Variants in AR observed in about 807,000 individuals in gnomAD.
AR encodes the protein androgen receptor.
In AR, 8 loss-of-function variants were observed where a neutral mutation model predicts 53.9. That is an observed-to-expected ratio of 0.15 (90% CI 0.09 to 0.27). AR has a LOEUF of 0.27. Among genes scored for constraint, AR ranks in the 10% least tolerant of loss-of-function variants. The pLI is 1.00. For missense variants in AR, 639 were observed against 742.5 expected (o/e 0.86, Z 1.62); for synonymous variants, 359 against 316.4 (o/e 1.13, Z -1.43).
At chrX:67,697,224 G>GC (rs2076024549) in intron 3 of AR, among the ~76,000 whole-genome samples, 2 of 111,552 alleles carry the variant, frequency 1.8e-5, no homozygotes, top group African/African-American at 6.5e-5. Flanking sequence ...TTGGGGATCT[G>GC]CCAAGTCTCT....
At chrX:67,584,215 ACT>A (rs1209411985) in intron 1 of AR, among the ~76,000 whole-genome samples, 1 of 111,352 alleles carries the variant, frequency 9.0e-6, no homozygotes, top group Middle Eastern at 4.2e-3. Flanking sequence ...TCCATCACTC[ACT>A]CTCCACATTC....
chrX:67,662,487 T>A (rs1926983819), intron 2 of AR, among the ~76,000 whole-genome samples: 1 of 111,840 alleles, frequency 8.9e-6, no homozygotes, highest in Non-Finnish European at 1.9e-5. Flanking sequence ...TCAGTTTCCA[T>A]GTAGTTGAGC....
intron 1 of AR, among the ~76,000 whole-genome samples, chrX:67,627,266 A>G (rs1325004214): frequency 9.0e-6 from 1 of 110,967 alleles, no homozygotes; most frequent in East Asian, 2.8e-4. Context: ...AAGTGTTCCT[A>G]TTTCTCCACA....
chrX:67,612,699 A>T (rs1398559146), intron 1 of AR, among the ~76,000 whole-genome samples: 1 of 112,277 alleles, frequency 8.9e-6, no homozygotes, highest in African/African-American at 3.2e-5. Context: ...TGATCAATCA[A>T]CCATTTAAAA....
chrX:67,631,824 A>G (rs781687438), intron 1 of AR, among the ~76,000 whole-genome samples: 1 of 111,599 alleles, frequency 9.0e-6, no homozygotes, highest in South Asian at 3.7e-4. Context: ...TTTGGTGTGG[A>G]TGTCCTTTCT....
chrX:67,564,886 A>G (rs1921487723), intron 1 of AR, among the ~76,000 whole-genome samples: 1 of 111,725 alleles, frequency 9.0e-6, no homozygotes, highest in Admixed American at 9.5e-5. Flanking sequence ...CTTAGAGCCA[A>G]TTTTCCCCCT....
intron 1 of AR, among the ~76,000 whole-genome samples, chrX:67,618,024 C>G (rs1924200246): frequency 8.9e-6 from 1 of 112,288 alleles, no homozygotes; most frequent in African/African-American, 3.2e-5. Context: ...GACAGTTCCA[C>G]CAGCTCTTTA....
intron 3 of AR, among the ~76,000 whole-genome samples, chrX:67,696,585 C>A (rs574912401): frequency 1.2e-4 from 14 of 112,059 alleles, no homozygotes; most frequent in South Asian, 7.5e-4. Flanking sequence ...ATTTGATATT[C>A]TTTTGCCTGG....
At chrX:67,576,800 T>C (rs963368913) in intron 1 of AR, among the ~76,000 whole-genome samples, 7 of 111,048 alleles carry the variant, frequency 6.3e-5, no homozygotes, top group East Asian at 2.8e-4. Flanking sequence ...ACCTTTTATG[T>C]GGTTATCTCC....
intron 4 of AR, among the ~76,000 whole-genome samples, chrX:67,715,191 G>T (rs1412786981): frequency 9.0e-6 from 1 of 110,646 alleles, no homozygotes; most frequent in Non-Finnish European, 1.9e-5. Context: ...AGATATTCAG[G>T]GTCAACCTCC....
intron 2 of AR, among the ~76,000 whole-genome samples, chrX:67,676,745 AG>A (rs2075902369): frequency 9.0e-6 from 1 of 111,545 alleles, no homozygotes. Flanking sequence ...TGAGGAAGAG[AG>A]GTGATATTAT....
chrX:67,613,381 G>C (rs767171886), intron 1 of AR, among the ~76,000 whole-genome samples: 1 of 111,640 alleles, frequency 9.0e-6, no homozygotes, highest in Non-Finnish European at 1.9e-5. Flanking sequence ...AACAGAGCAT[G>C]AAGAAGTTCA....
intron 1 of AR, among the ~76,000 whole-genome samples, chrX:67,639,119 A>G (rs1925610923): frequency 9.0e-6 from 1 of 111,350 alleles, no homozygotes; most frequent in Non-Finnish European, 1.9e-5. Flanking sequence ...CAAAGATTAG[A>G]TGGTTGTAGA....
chrX:67,589,286 A>T (rs1922718177), intron 1 of AR, among the ~76,000 whole-genome samples: 1 of 111,533 alleles, frequency 9.0e-6, no homozygotes, highest in Non-Finnish European at 1.9e-5. Context: ...AAAAAAAAAA[A>T]AGAAGTCCAC....
At chrX:67,561,821 C>G (rs1479484281) in intron 1 of AR, among the ~76,000 whole-genome samples, 1 of 109,112 alleles carries the variant, frequency 9.2e-6, no homozygotes, top group East Asian at 2.9e-4. Context: ...ACTATTGTTT[C>G]AACGTACCTG....
At chrX:67,636,663 GA>G (rs1476664554) in intron 1 of AR, among the ~76,000 whole-genome samples, 1 of 111,963 alleles carries the variant, frequency 8.9e-6, no homozygotes. Flanking sequence ...ATAAGCCTGA[GA>G]GAGGGACTGC....
chrX:67,639,699 C>T (rs1279298667), intron 1 of AR, among the ~76,000 whole-genome samples: 2 of 111,965 alleles, frequency 1.8e-5, no homozygotes, highest in South Asian at 7.4e-4. Flanking sequence ...AGTTGCTTGT[C>T]AGCTTAAGGT....
At chrX:67,625,537 G>T (rs1323937243) in intron 1 of AR, among the ~76,000 whole-genome samples, 2 of 111,526 alleles carry the variant, frequency 1.8e-5, no homozygotes, top group South Asian at 7.5e-4. Flanking sequence ...AGAGTGTATG[G>T]TATTGGCATA....
chrX:67,559,802 T>C (rs772436711), intron 1 of AR, among the ~76,000 whole-genome samples: 1 of 111,722 alleles, frequency 9.0e-6, no homozygotes, highest in African/African-American at 3.2e-5. Context: ...TGGAAACACT[T>C]GATGTTTGGT....
Sources: allele counts gnomAD v4.1 joint callset (sites outside exome capture counted in the v4.1 genomes callset), GRCh38; gene constraint gnomAD v4.1.1; transcripts MANE v1.5; gene names NCBI Gene and HGNC (gene_info 2026-07-23, HGNC 2026-07-21).